PTPRK: variants seen among roughly 807,000 people sequenced by gnomAD.
The protein encoded by PTPRK is protein tyrosine phosphatase receptor type K, also known as receptor-type tyrosine-protein phosphatase kappa.
A neutral mutation model predicts 178.0 loss-of-function variants in PTPRK; 75 were observed. The ratio of observed to expected loss-of-function variants is 0.42; its 90% confidence interval spans 0.35 to 0.51. PTPRK has a LOEUF of 0.51. Ranked by LOEUF, PTPRK falls within the 20% of genes least tolerant of loss-of-function variation. PTPRK has a pLI of 0.02. For synonymous variants in PTPRK, 637 were observed against 620.6 expected (o/e 1.03, Z -0.39); for missense variants, 1,441 against 1,797.8 (o/e 0.80, Z 3.59).
chr6:128,312,550 G>C (rs1160392076), intron 3 of PTPRK, among the ~76,000 whole-genome samples: 3 of 152,120 alleles, frequency 2.0e-5, no homozygotes, highest in Admixed American at 6.6e-5. Flanking sequence ...AAAATACAAG[G>C]CTGCCAATGT....
At chr6:128,484,880 C>T (rs181076986) in intron 1 of PTPRK, among the ~76,000 whole-genome samples, 1 of 152,022 alleles carries the variant, frequency 6.6e-6, no homozygotes, top group East Asian at 1.9e-4. Context: ...AAATCAAATC[C>T]ACAACTCTAA....
At chr6:128,040,450 G>A (rs1041667581) in intron 13 of PTPRK, among the ~76,000 whole-genome samples, 4 of 152,002 alleles carry the variant, frequency 2.6e-5, no homozygotes, top group African/African-American at 9.7e-5. Context: ...AAGAAAGCAG[G>A]AGGTATACAA....
chr6:127,988,605 T>C (rs1225272923), intron 21 of PTPRK, among the ~76,000 whole-genome samples: 2 of 152,210 alleles, frequency 1.3e-5, no homozygotes, highest in East Asian at 3.9e-4. Context: ...TCAGCATTTG[T>C]CAGAAAATCC....
chr6:128,029,678 A>C (rs1388449595), intron 13 of PTPRK, among the ~76,000 whole-genome samples: 6 of 147,458 alleles, frequency 4.1e-5, no homozygotes, highest in Non-Finnish European at 7.4e-5. Context: ...TAATAATAAT[A>C]ATAATAATAA....
intron 5 of PTPRK, among the ~76,000 whole-genome samples, chr6:128,227,214 G>A (rs535335452): frequency 7.2e-5 from 11 of 152,200 alleles, no homozygotes; most frequent in Admixed American, 7.2e-4. Flanking sequence ...TGCTTCAAAC[G>A]GCACTGTAGA....
intron 3 of PTPRK, among the ~76,000 whole-genome samples, chr6:128,268,577 C>T (rs997403120): frequency 6.6e-6 from 1 of 151,912 alleles, no homozygotes; most frequent in African/African-American, 2.4e-5. Context: ...TATATTTGCC[C>T]AACTGCCTTG....
At chr6:128,154,221 T>A (rs1315431752) in intron 7 of PTPRK, among the ~76,000 whole-genome samples, 1 of 151,666 alleles carries the variant, frequency 6.6e-6, no homozygotes, top group Admixed American at 6.6e-5. Context: ...ATAATTAAAA[T>A]TGAGAATTTG....
intron 6 of PTPRK, among the ~76,000 whole-genome samples, chr6:128,212,940 A>G (rs1357994587): frequency 1.3e-5 from 2 of 152,078 alleles, no homozygotes; most frequent in Non-Finnish European, 2.9e-5. Context: ...AATTAATAGA[A>G]AAAAGTATTT....
chr6:128,133,061 C>T (rs903777757), intron 7 of PTPRK, among the ~76,000 whole-genome samples: 1 of 152,146 alleles, frequency 6.6e-6, no homozygotes, highest in Non-Finnish European at 1.5e-5. Flanking sequence ...AAAAAAGATA[C>T]GTGCATGCTG....
chr6:128,464,653 A>ATGTG (rs1368540016), intron 1 of PTPRK, among the ~76,000 whole-genome samples: 1 of 107,702 alleles, frequency 9.3e-6, no homozygotes, highest in East Asian at 2.7e-4. Flanking sequence ...ATATATATAT[A>ATGTG]TATATATATA....
At chr6:128,442,682 G>C (rs1312481281) in intron 1 of PTPRK, among the ~76,000 whole-genome samples, 6 of 152,150 alleles carry the variant, frequency 3.9e-5, no homozygotes, top group Non-Finnish European at 7.3e-5. Flanking sequence ...ATAACGAAAA[G>C]TATCTTCAAA....
At chr6:128,260,265 T>C (rs928677413) in intron 3 of PTPRK, among the ~76,000 whole-genome samples, 1 of 152,114 alleles carries the variant, frequency 6.6e-6, no homozygotes, top group Non-Finnish European at 1.5e-5. Context: ...TGACATAATC[T>C]GAATTATGAT....
At chr6:128,507,015 C>T (rs886773809) in intron 1 of PTPRK, among the ~76,000 whole-genome samples, 1 of 152,020 alleles carries the variant, frequency 6.6e-6, no homozygotes, top group Non-Finnish European at 1.5e-5. Context: ...TTCTCAAAAC[C>T]TACATCTGGA....
chr6:128,014,715 A>T (rs1411296227), intron 13 of PTPRK, among the ~76,000 whole-genome samples: 1 of 151,608 alleles, frequency 6.6e-6, no homozygotes, highest in African/African-American at 2.4e-5. Flanking sequence ...ATACAATGAC[A>T]GGTTTTGTAA....
intron 3 of PTPRK, among the ~76,000 whole-genome samples, chr6:128,255,147 T>G (rs1245421492): frequency 6.6e-6 from 1 of 152,078 alleles, no homozygotes; most frequent in Non-Finnish European, 1.5e-5. Flanking sequence ...CCCGCCACCA[T>G]GCCCAGCCAA....
chr6:128,091,656 G>T (rs1786977584), intron 7 of PTPRK, among the ~76,000 whole-genome samples: 1 of 152,148 alleles, frequency 6.6e-6, no homozygotes, highest in Admixed American at 6.5e-5. Flanking sequence ...ATACAGCAAT[G>T]AGAGAAACAC....
chr6:128,464,600 AATATATATATATACATATACATAT>A (rs747292820), intron 1 of PTPRK, among the ~76,000 whole-genome samples: 3 of 118,652 alleles, frequency 2.5e-5, no homozygotes, highest in Admixed American at 9.4e-5. Flanking sequence ...TTTTAGTTTA[AATATATATATATACATATACATAT>A]ATATATATAT....
chr6:127,990,943 G>T lies in PTPRK; in HGVS notation c.2980-58C>A, dbSNP rs1263080636. 5.8e-6 allele frequency: 6 copies of T among 1,032,484 alleles called. No homozygotes were observed. The South Asian group carries it at 7.5e-5, about 13-fold the overall frequency. The allele number at this position is 1,032,484 out of a possible 1,614,324, so 64.0% of individuals were successfully genotyped here. A position where few individuals can be genotyped will look rare whatever the true frequency, so the allele number is the denominator to read the frequency against. ...GAATATATAATACTAATTAGCCAAGGTGATTTAATTCCAGCAATAACTCCT... is the reference window on the plus strand; with the variant it reads ...GAATATATAATACTAATTAGCCAAGTTGATTTAATTCCAGCAATAACTCCT... On this transcript the variant is annotated intron_variant, in intron 20 of 29. Coordinates refer to ENST00000368226, the MANE Select transcript of PTPRK (RefSeq NM_002844.4).
Position 128,310,646 on chromosome 6 carries a change from G to A in PTPRK, c.495+11393C>T, listed in dbSNP as rs77576450. Reference sequence around the variant, plus strand: ...ACAATTCTCAGAGGCAAGTGGCACCGCAAAAAGGAACTCTCAACATGAACA... The same window carrying A: ...ACAATTCTCAGAGGCAAGTGGCACCACAAAAAGGAACTCTCAACATGAACA... On this transcript the variant is annotated intron_variant, in intron 3 of 29. Coordinates refer to ENST00000368226, the MANE Select transcript of PTPRK (RefSeq NM_002844.4). 9.7e-3 allele frequency among the ~76,000 whole-genome samples: 1,478 copies of A among 152,228 alleles called. 21 individuals carry two copies. Among genetic ancestry groups the A allele is most frequent in the African/African-American group, 0.033 (1,357 of 41,544 alleles).
Sources: gnomAD v4.1 joint callset for allele counts (sites outside exome capture counted in the v4.1 genomes callset) on GRCh38, gnomAD v4.1.1 for gene constraint, MANE v1.5 for transcripts, NCBI Gene and HGNC (gene_info 2026-07-23, HGNC 2026-07-21) for gene names.